Variants in ACSS2 observed in about 807,000 individuals in gnomAD.
The protein encoded by ACSS2 is acetyl-coenzyme A synthetase, cytoplasmic.
Under a neutral mutation model 90.6 loss-of-function variants are expected in ACSS2, and 58 were observed. The ratio of observed to expected loss-of-function variants is 0.64; its 90% CI spans 0.52 to 0.80. ACSS2 has a LOEUF of 0.80. ACSS2 is among the 30% of genes least tolerant of loss of function. The pLI is 0.00. For synonymous variants in ACSS2, 300 were observed against 330.9 expected (o/e 0.91, Z 1.01); for missense variants, 759 against 912.0 (o/e 0.83, Z 2.16).
chr20:34,900,078 G>C (rs1039606487), intron 2 of ACSS2, among the ~76,000 whole-genome samples: 3 of 151,124 alleles, frequency 2.0e-5, no homozygotes, highest in African/African-American at 7.3e-5. Flanking sequence ...ACTTGTTACT[G>C]TCTGTTTGTT....
In ACSS2 at chr20:34,927,170, G is replaced by GTCA. The variant is rs747391858; in HGVS notation, c.2066_2068dup (p.Ile689dup). 6.2e-7 allele frequency: 1 copy of GTCA among 1,614,116 alleles called. No homozygotes were observed. Among genetic ancestry groups the GTCA allele is most frequent in the Non-Finnish European group, 8.5e-7 (1 of 1,180,012 alleles). Reference sequence around the variant, plus strand: ...CATGTCTACTGTGGCTGACCCATCTGTCATCAGTCACCTCTTCAGCCACCG... The same window carrying GTCA: ...CATGTCTACTGTGGCTGACCCATCTGTCATCATCAGTCACCTCTTCAGCCACCG... On this transcript the variant is annotated inframe_insertion, in exon 18 of 18. Coordinates refer to ENST00000360596, the MANE Select transcript of ACSS2 (RefSeq NM_018677.4). This position sits in a 1 kb window ranked among gnomAD's most constrained non-coding sequence, Gnocchi z 4.2.
intron 11 of ACSS2, 39 bp downstream of exon 11, chr20:34,921,501 T>C (rs763403049): frequency 9.3e-6 from 15 of 1,613,960 alleles, no homozygotes; most frequent in Admixed American, 1.7e-5. Context: ...CCAGGGACAA[T>C]GTGGGAAGAT....
At chr20:34,886,787 C>T (rs889117957) in intron 2 of ACSS2, among the ~76,000 whole-genome samples, 1 of 152,140 alleles carries the variant, frequency 6.6e-6, no homozygotes, top group Non-Finnish European at 1.5e-5. Flanking sequence ...TGTTCTAATT[C>T]TTACTAATGC....
Position 34,926,120 on chromosome 20 carries a change from C to G in ACSS2, c.1742C>G (p.Thr581Arg). Reference sequence around the variant, plus strand: ...CCTTGACAAGGACACCTGCTGAGTACAGCAGAGGTGGAGTCAGCACTTGTG... The same window carrying G: ...CCTTGACAAGGACACCTGCTGAGTAGAGCAGAGGTGGAGTCAGCACTTGTG... ...MLNVSGHLLS[T>R]AEVESALVEH... The change falls in exon 16 of 18, where the codon ACA becomes AGA. Residue 581 changes from threonine to arginine, a missense_variant. By Grantham distance (71) the Thr-to-Arg change is moderately conservative (BLOSUM62 -1). Coordinates refer to ENST00000360596, the MANE Select transcript of ACSS2 (RefSeq NM_018677.4). The G allele has an allele frequency of 6.2e-7, 1 of 1,614,208 alleles. No homozygotes were observed. Among genetic ancestry groups the G allele is most frequent in the Admixed American group, 1.7e-5 (1 of 60,030 alleles).
At chr20:34,905,344 C>T (rs997728183) in intron 2 of ACSS2, among the ~76,000 whole-genome samples, 3 of 151,200 alleles carry the variant, frequency 2.0e-5, no homozygotes, top group Admixed American at 6.6e-5. Context: ...GTGATCTTGG[C>T]TCACTGCAAG....
intron 2 of ACSS2, chr20:34,893,627 G>A (rs577643492): frequency 6.6e-6 from 1 of 151,170 alleles, no homozygotes; most frequent in Non-Finnish European, 1.5e-5. Context: ...CCTCAGGTGA[G>A]CTTCCTGCCT....
intron 10 of ACSS2, 49 bp downstream of exon 10, chr20:34,921,188 G>A (rs1392409245): frequency 1.2e-6 from 2 of 1,613,392 alleles, no homozygotes; most frequent in Non-Finnish European, 1.7e-6. Context: ...TCAGAGCTGG[G>A]TGCTGGCCTT....
intron 2 of ACSS2, among the ~76,000 whole-genome samples, chr20:34,898,550 T>C (rs1384965355): frequency 6.7e-6 from 1 of 149,870 alleles, no homozygotes; most frequent in Non-Finnish European, 1.5e-5. Context: ...GATTGGTGTA[T>C]TTACAATCCC....
At position 34,883,008 on chromosome 20, in the gene ACSS2, T is replaced by C; in HGVS notation, c.374+19T>C. ...TTTACTGGTAAAAATATCTATCTTATACTTGGTGGCAGATAAAAACACTCA... is the reference window on the plus strand; with the variant it reads ...TTTACTGGTAAAAATATCTATCTTACACTTGGTGGCAGATAAAAACACTCA... On this transcript the variant is annotated intron_variant, in intron 2 of 17. Coordinates refer to ENST00000360596, the MANE Select transcript of ACSS2 (RefSeq NM_018677.4). 2 of 1,576,462 alleles carry C rather than the reference T, an allele frequency of 1.3e-6. No individual in the cohort carries two copies. Among genetic ancestry groups the C allele is most frequent in the Non-Finnish European group, 1.7e-6 (2 of 1,157,638 alleles).
intron 7 of ACSS2, among the ~76,000 whole-genome samples, chr20:34,918,194 T>C (rs6088647): frequency 0.67 from 101,167 of 152,124 alleles, 35,168 homozygotes; most frequent in African/African-American, 0.87. Context: ...TAATACTTTT[T>C]TCTTTTGGTG....
chr20:34,919,439 C>T lies in ACSS2; in HGVS notation c.839C>T (p.Ser280Leu). 1 of 1,613,840 alleles carries T rather than the reference C, an allele frequency of 6.2e-7. No individual in the cohort carries two copies. The highest frequency in any genetic ancestry group is 8.5e-7 in the Non-Finnish European group (1 of 1,180,022). ...IKRSCPDVQI[S>L]WNQGIDLWWH... ...CTTCCCTGCCCATCCCTGCAGATCTCATGGAACCAAGGGATTGACTTGTGG... is the reference window on the plus strand; with the variant it reads ...CTTCCCTGCCCATCCCTGCAGATCTTATGGAACCAAGGGATTGACTTGTGG... The change falls in exon 8 of 18, where the codon TCA (serine) becomes TTA (leucine). Residue 280 changes from serine to leucine, a missense_variant. Ser to Leu is a moderately radical substitution (Grantham distance 145). Coordinates refer to ENST00000360596, the MANE Select transcript of ACSS2 (RefSeq NM_018677.4).
Position 34,914,149 on chromosome 20 carries a change from G to T in ACSS2, c.697G>T (p.Ala233Ser). 6.2e-7 allele frequency: 1 copy of T among 1,614,202 alleles called. No homozygotes were observed. Among genetic ancestry groups the T allele is most frequent in the South Asian group, 1.1e-5 (1 of 91,082 alleles). The change falls in exon 6 of 18, where the codon GCC (alanine) becomes TCC (serine). Residue 233 changes from alanine to serine, a missense_variant. Coordinates refer to ENST00000360596, the MANE Select transcript of ACSS2 (RefSeq NM_018677.4). ...GAACCTGAAGGAGCTGGCTGACGAGGCCCTGCAGAAGTGTCAGGAGAAGTA... is the reference window on the plus strand; with the variant it reads ...GAACCTGAAGGAGCTGGCTGACGAGTCCCTGCAGAAGTGTCAGGAGAAGTA... The part of the protein sequence containing the change: ...LVNLKELADE[A>S]LQKCQEKGFP...
chr20:34,894,887 CAGGGTTTCCCA>C (rs1440066301), intron 2 of ACSS2, among the ~76,000 whole-genome samples: 2 of 152,070 alleles, frequency 1.3e-5, no homozygotes, highest in African/African-American at 2.4e-5. Context: ...TATTCAGAGC[CAGGGTTTCCCA>C]ATTTTAGTTT....
chr20:34,902,891 ATTTTT>A (rs34171408), intron 2 of ACSS2, among the ~76,000 whole-genome samples: 1 of 115,310 alleles, frequency 8.7e-6, no homozygotes, highest in Non-Finnish European at 1.8e-5. Context: ...ACACCTGGCT[ATTTTT>A]TTTTTTTTTT....
At chr20:34,879,000 G>T (rs918646163) in intron 1 of ACSS2, among the ~76,000 whole-genome samples, 9 of 150,572 alleles carry the variant, frequency 6.0e-5, no homozygotes, top group Admixed American at 3.3e-4. Context: ...CGCCTCCCGG[G>T]TTCACGCCAT....
chr20:34,898,853 C>T (rs966928897), intron 2 of ACSS2, among the ~76,000 whole-genome samples: 14 of 146,118 alleles, frequency 9.6e-5, no homozygotes, highest in Non-Finnish European at 1.9e-4. Context: ...GAGCAGGGGG[C>T]GGTGCTCGTC....
intron 2 of ACSS2, among the ~76,000 whole-genome samples, chr20:34,899,221 C>T (rs1304470943): frequency 1.3e-5 from 2 of 152,198 alleles, no homozygotes; most frequent in African/African-American, 4.8e-5. Context: ...GAGCCAGCTC[C>T]GGCCTTGGCC....
rs780880445 is a variant in ACSS2, at chr20:34,919,530, A to G, written c.930A>G (p.Pro310=). 83 of 1,607,698 alleles carry G rather than the reference A, an allele frequency of 5.2e-5. No homozygotes were observed. The Middle Eastern group carries it at 3.0e-3, about 58-fold the overall frequency. Residue 310 remains proline (P), a synonymous_variant, in exon 8 of 18, where the codon CCA becomes CCG. Transcript: ENST00000360596. The part of the protein sequence containing the change: ...CEPEWCDAED[P]LFILYTSGST... ...CCGAGTGGTGTGATGCCGAGGACCCACTCTTCATCCTGTACACCAGTGGCT... is the reference window on the plus strand; with the variant it reads ...CCGAGTGGTGTGATGCCGAGGACCCGCTCTTCATCCTGTACACCAGTGGCT...
chr20:34,882,419 C>T (rs975858352), intron 1 of ACSS2, among the ~76,000 whole-genome samples: 8 of 152,086 alleles, frequency 5.3e-5, no homozygotes, highest in East Asian at 1.9e-4. Context: ...GTCAGGAGTT[C>T]GAGACCAGCC....
Sources: allele counts gnomAD v4.1 joint callset (sites outside exome capture counted in the v4.1 genomes callset), GRCh38; gene constraint gnomAD v4.1.1; non-coding constraint Gnocchi (gnomAD v3.1); transcripts MANE v1.5; gene names NCBI Gene and HGNC (gene_info 2026-07-23, HGNC 2026-07-21).